TRRAP: variants seen among roughly 807,000 people sequenced by gnomAD.
TRRAP encodes transformation/transcription domain associated protein.
In TRRAP, 41 loss-of-function variants were observed where a neutral mutation model predicts 438.8. That is an observed-to-expected ratio of 0.09 (90% CI 0.07 to 0.12). The LOEUF is 0.12. Among genes scored for constraint, TRRAP ranks in the 10% least tolerant of loss-of-function variants. The pLI, the probability that TRRAP is intolerant of heterozygous loss-of-function variation, is 1.00. For missense variants in TRRAP, 3,122 were observed against 5,055.1 expected, an observed-to-expected ratio of 0.62 and a Z score of 11.60; for synonymous variants, 1,994 against 1,962.9, an observed-to-expected ratio of 1.02 and a Z score of -0.42.
At chr7:98,983,519 T>C in intron 60 of TRRAP, 60 bp downstream of exon 60, 1 of 1,586,328 alleles carries the variant, frequency 6.3e-7, no homozygotes, top group Non-Finnish European at 8.6e-7. Context: ...CCCACGGTTC[T>C]GGTTTCGTCT....
Position 99,004,972 on chromosome 7 carries a change from C to T in TRRAP, c.10536-159C>T, listed in dbSNP as rs533395729. Among the ~76,000 whole-genome samples the T allele has an allele frequency of 3.9e-5, 6 of 152,302 alleles. No individual in the cohort carries two copies. The East Asian group carries it at 1.2e-3, about 29-fold the overall frequency. On this transcript the variant is annotated intron_variant, in intron 68 of 72. Coordinates refer to ENST00000456197, the MANE Select transcript of TRRAP (RefSeq NM_001375524.1). ...TTGAAAATATTGTGACTCATTTACA[C>T]CGCATCAGGGTGAGGCAGGGTACAA... is the stretch of plus-strand genomic sequence containing the variant.
rs868911356 is a variant in TRRAP at position 98,920,318 on chromosome 7, T to C, written c.2623-1435T>C. On this transcript the variant is annotated intron_variant, in intron 20 of 72. Transcript: ENST00000456197. Reference sequence around the variant, plus strand: ...AAACCCTATCTGCACTAAAAAAAATTAGCTGGGCATGGTGGTGCATGCCTG... The same window carrying C: ...AAACCCTATCTGCACTAAAAAAAATCAGCTGGGCATGGTGGTGCATGCCTG... 4.6e-5 allele frequency among the ~76,000 whole-genome samples: 7 copies of C among 152,076 alleles called. No homozygotes were observed. The South Asian group carries it at 1.2e-3, about 27-fold the overall frequency.
chr7:98,986,055 G>A (rs1426843410), intron 62 of TRRAP, among the ~76,000 whole-genome samples: 1 of 152,166 alleles, frequency 6.6e-6, no homozygotes, highest in South Asian at 2.1e-4. Flanking sequence ...GTGGCCTTTT[G>A]TGACTGTCTT....
In TRRAP at chr7:99,005,937, G is replaced by A. The variant is rs1199172676; in HGVS notation, c.10753+589G>A. ...CCACCCCGGCCGAGCCTGGGCGCCA[G>A]CGAGGCAGCAGCATGCATCAGGTTT... is the stretch of plus-strand genomic sequence containing the variant. On this transcript the variant is annotated intron_variant, in intron 69 of 72. Coordinates refer to ENST00000456197, the MANE Select transcript of TRRAP (RefSeq NM_001375524.1). This position sits in a 1 kb window ranked among gnomAD's most constrained non-coding sequence, Gnocchi z 5.1. Among the ~76,000 whole-genome samples the A allele has an allele frequency of 6.6e-6, 1 of 152,202 alleles. No homozygotes were observed. Among genetic ancestry groups the A allele is most frequent in the African/African-American group, 2.4e-5 (1 of 41,456 alleles).
intron 6 of TRRAP, 90 bp from the exon 7 acceptor site, chr7:98,895,674 G>A (rs781944062): frequency 6.1e-5 from 67 of 1,101,634 alleles, no homozygotes; most frequent in Non-Finnish European, 8.0e-5. Context: ...GAGTTCTTAC[G>A]TAGTAAGACA....
intron 58 of TRRAP, among the ~76,000 whole-genome samples, chr7:98,979,135 T>C (rs183235822): frequency 4.9e-4 from 75 of 152,340 alleles, no homozygotes; most frequent in East Asian, 1.9e-4. Flanking sequence ...AACTAGAAGA[T>C]GGAATCGAGG....
rs563421471 is a variant in TRRAP at position 98,911,108 on chromosome 7, T to C, written c.1844T>C (p.Ile615Thr). 31 of 1,614,064 alleles carry C rather than the reference T, an allele frequency of 1.9e-5. No individual in the cohort carries two copies. Among genetic ancestry groups the C allele is most frequent in the Non-Finnish European group, 2.6e-5 (31 of 1,179,964 alleles). ...ATAGCAGGAAATGGACAGACATACA[T>C]CCGTGTGGCCAACTGCCAGACTGTG... is the stretch of plus-strand genomic sequence containing the variant. ...VQIAGNGQTY[I>T]RVANCQTVRM... Residue 615 changes from isoleucine to threonine, a missense_variant, in exon 17 of 73, where the codon ATC becomes ACC. Coordinates refer to ENST00000456197, the MANE Select transcript of TRRAP (RefSeq NM_001375524.1).
chr7:98,998,904 G>C (rs1034872895), intron 67 of TRRAP: 10 of 456,786 alleles, frequency 2.2e-5, no homozygotes, highest in Admixed American at 1.8e-4. Context: ...TACATGGAGA[G>C]GCCCCATGGT....
chr7:98,909,422 C>G (rs1322811560), intron 14 of TRRAP, among the ~76,000 whole-genome samples: 1 of 152,154 alleles, frequency 6.6e-6, no homozygotes, highest in East Asian at 1.9e-4. Flanking sequence ...TCCCCAGATG[C>G]TTCACTTCTG....
At position 98,988,861 on chromosome 7, in the gene TRRAP, C is replaced by T. The variant is rs755148856; in HGVS notation, c.9486C>T (p.Ile3162=). The change falls in exon 63 of 73, where the codon ATC becomes ATT. Residue 3162 remains isoleucine, a synonymous_variant. Coordinates refer to ENST00000456197, the MANE Select transcript of TRRAP (RefSeq NM_001375524.1). ...WAMWGDYLEN[I]FVKERQLHLG... ...TGTGGGGCGACTACCTGGAGAACAT[C>T]TTTGTGAAGGAGCGGCAGCTGCACC... 1.2e-6 allele frequency: 2 copies of T among 1,614,198 alleles called. No individual in the cohort carries two copies. The highest frequency in any genetic ancestry group is 4.5e-5 in the East Asian group (2 of 44,884).
At chr7:98,995,888 CCT>C (rs552863872) in intron 67 of TRRAP, among the ~76,000 whole-genome samples, 2 of 116,826 alleles carry the variant, frequency 1.7e-5, no homozygotes, top group Non-Finnish European at 3.0e-5. Context: ...CATACACACC[CCT>C]GTCCCATCTA....
In TRRAP at chr7:98,955,360, A is replaced by G. The variant is rs564778534; in HGVS notation, c.5937+56A>G. The G allele has an allele frequency of 6.5e-5, 99 of 1,511,944 alleles. No individual in the cohort carries two copies. The African/African-American group carries it at 1.0e-3, about 16-fold the overall frequency. The allele number at this position is 1,511,944 out of a possible 1,614,324, so 93.7% of individuals were successfully genotyped here. On this transcript the variant is annotated intron_variant, in intron 41 of 72. Coordinates refer to ENST00000456197, the MANE Select transcript of TRRAP (RefSeq NM_001375524.1). Reference sequence around the variant, plus strand: ...GCGCGTCTTCAGGCATTCACTTTGAACCTTTACCTTGTCTTGTTCTGCAAT... The same window carrying G: ...GCGCGTCTTCAGGCATTCACTTTGAGCCTTTACCTTGTCTTGTTCTGCAAT...
At chr7:98,893,746 C>A in intron 5 of TRRAP, 52 bp from the exon 6 acceptor site, 2 of 1,514,444 alleles carry the variant, frequency 1.3e-6, no homozygotes, top group Non-Finnish European at 1.8e-6. Flanking sequence ...AGAAAATTAG[C>A]CTTTAAAGTG....
Position 98,978,283 on chromosome 7 carries a change from A to G in TRRAP, c.8458A>G (p.Ile2820Val), listed in dbSNP as rs140534199. The G allele has an allele frequency of 3.5e-5, 57 of 1,614,192 alleles. 1 individual carries two copies. The highest frequency in any genetic ancestry group is 4.1e-5 in the Non-Finnish European group (48 of 1,180,030). ...TGAGAGGAGTAACGCCTCCCCTGCTATTTTCCCTGAATACCAGCTCTGGGA... is the reference window on the plus strand; with the variant it reads ...TGAGAGGAGTAACGCCTCCCCTGCTGTTTTCCCTGAATACCAGCTCTGGGA... ...EHERSNASPA[I>V]FPEYQLWEDH... Residue 2820 changes from isoleucine (I) to valine (V), a missense_variant, in exon 57 of 73, where the codon ATT (isoleucine) becomes GTT (valine). This residue lies in a region of TRRAP where 992 missense variants were observed against 1,281.2 expected (regional missense o/e 0.77). Coordinates refer to ENST00000456197, the MANE Select transcript of TRRAP (RefSeq NM_001375524.1).
In TRRAP at chr7:98,967,664, T is replaced by C. The variant is rs1326841466; in HGVS notation, c.7478T>C (p.Met2493Thr). 1.2e-6 allele frequency: 2 copies of C among 1,613,974 alleles called. No homozygotes were observed. The highest frequency in any genetic ancestry group is 1.6e-4 in the Middle Eastern group (1 of 6,062). Reference protein sequence around the residue: ...YVTCSQNWEAMGNHFWIKQCI... With the variant: ...YVTCSQNWEATGNHFWIKQCI... The stretch of plus-strand genomic sequence containing the variant: ...ACCTGTTCGCAGAACTGGGAAGCCA[T>C]GGGGAACCACTTCTGGATCAAGCAG... The change falls in exon 51 of 73, where the codon ATG (methionine) becomes ACG (threonine). Residue 2493 changes from methionine (M) to threonine (T), a missense_variant. Physicochemically the swap from Met to Thr is moderately conservative, Grantham distance 81 (BLOSUM62 -1). Coordinates refer to ENST00000456197, the MANE Select transcript of TRRAP (RefSeq NM_001375524.1).
chr7:98,947,430 GT>G (rs1170130710), intron 33 of TRRAP, among the ~76,000 whole-genome samples: 35 of 151,120 alleles, frequency 2.3e-4, no homozygotes, highest in East Asian at 3.9e-4. Flanking sequence ...CTCTGCTAGG[GT>G]TTTTTTTGTT....
At chr7:99,004,466 TG>T in intron 68 of TRRAP, 51 bp downstream of exon 68, 1 of 1,532,138 alleles carries the variant, frequency 6.5e-7, no homozygotes, top group East Asian at 2.3e-5. Flanking sequence ...CCCATGGACA[TG>T]GAGCCCCATG....
chr7:98,935,463 T>G, intron 27 of TRRAP, 116 bp from the exon 28 acceptor site: 1 of 809,480 alleles, frequency 1.2e-6, no homozygotes, highest in Non-Finnish European at 1.8e-6. Context: ...TGAGCTTAGT[T>G]TGTCAGTTGT....
In TRRAP at chr7:99,011,775, A is replaced by G. The variant is rs1485645550; in HGVS notation, c.11337+240A>G. ...CACTCGGCAGATGCCGGAAGGTGTC[A>G]AGTGAACAAATAAACAGATTGGGCC... On this transcript the variant is annotated intron_variant, in intron 72 of 72. Transcript: ENST00000456197. This position sits in a 1 kb window ranked among gnomAD's most constrained non-coding sequence, Gnocchi z 7.1. 5.9e-5 allele frequency among the ~76,000 whole-genome samples: 9 copies of G among 152,396 alleles called. 1 individual carries two copies. The highest frequency in any genetic ancestry group is 5.9e-4 in the Admixed American group (9 of 15,306).
Sources: gnomAD v4.1 joint callset for allele counts (sites outside exome capture counted in the v4.1 genomes callset) on GRCh38, gnomAD v4.1.1 for gene constraint, gnomAD v4.1.1 regional missense constraint, Gnocchi (gnomAD v3.1) non-coding constraint, MANE v1.5 for transcripts, NCBI Gene and HGNC (gene_info 2026-07-23, HGNC 2026-07-21) for gene names.